TRMT2A: variants seen among roughly 807,000 people sequenced by gnomAD.
TRMT2A encodes the protein tRNA (uracil-5-)-methyltransferase homolog A.
TRMT2A carries 60 observed loss-of-function variants against 59.3 expected under a neutral mutation model. The ratio of observed to expected loss-of-function variants is 1.01; its 90% CI spans 0.82 to 1.26. TRMT2A has a LOEUF of 1.26. TRMT2A is among the 50% of genes most tolerant of loss of function. The probability of loss-of-function intolerance (pLI) is 0.00; values close to 1 mark genes in which losing one functional copy is unlikely to be tolerated. For synonymous variants in TRMT2A, 403 were observed against 353.7 expected (o/e 1.14, Z -1.56); for missense variants, 863 against 845.2 (o/e 1.02, Z -0.26).
intron 3 of TRMT2A, 70 bp downstream of exon 3, chr22:20,115,598 CAGGA>C: frequency 6.3e-7 from 1 of 1,579,912 alleles, no homozygotes; most frequent in Non-Finnish European, 8.7e-7. Flanking sequence ...GGGAGATCAA[CAGGA>C]AGGGTGAGCA....
At chr22:20,113,401 C>CCCCCCCCCCCCCCCCGCCCGGG in intron 9 of TRMT2A, 31 bp downstream of exon 9, 2 of 893,470 alleles carry the variant, frequency 2.2e-6, no homozygotes, top group Non-Finnish European at 3.6e-6. Context: ...CTGCCCCCAT[C>CCCCCCCCCCCCCCCCGCCCGGG]CCCACCCCCA....
chr22:20,116,717 C>A, intron 1 of TRMT2A, 105 bp from the exon 2 acceptor site: 1 of 1,434,156 alleles, frequency 7.0e-7, no homozygotes, highest in Admixed American at 2.2e-5. Flanking sequence ...GCACTCTGCA[C>A]TCAGCCCTGC....
chr22:20,114,760 C>T lies in TRMT2A; in HGVS notation c.1121+1G>A, dbSNP rs1476848112. 2.5e-6 allele frequency: 4 copies of T among 1,612,168 alleles called. No individual in the cohort carries two copies. The highest frequency in any genetic ancestry group is 3.4e-6 in the Non-Finnish European group (4 of 1,179,766). On this transcript the variant is annotated splice_donor_variant, in intron 6 of 11. Coordinates refer to ENST00000252136, the MANE Select transcript of TRMT2A (RefSeq NM_022727.6). LOFTEE classifies it high-confidence loss of function. ...TGCCCCGCCCCACTCGGGCTCCTTA[C>T]CGCTGTCCCTCCTCCACGAAGTAGA...
intron 1 of TRMT2A, 60 bp downstream of exon 1, chr22:20,116,823 A>G: frequency 3.9e-5 from 50 of 1,293,892 alleles, no homozygotes; most frequent in East Asian, 5.2e-5. Flanking sequence ...AGGTTTCCTG[A>G]CCCACCCCGC....
At position 20,114,718 on chromosome 22, in the gene TRMT2A, C is replaced by G. The variant is rs867782058; in HGVS notation, c.1122-33G>C. On this transcript the variant is annotated intron_variant, in intron 6 of 11. Transcript: ENST00000252136. ...CGAAGGTGCAGGTCCTTCAGTGTCA[C>G]AGTCCCTGCAGGGACCTGCCCCGCC... The G allele has an allele frequency of 2.5e-6, 4 of 1,610,986 alleles. No homozygotes were observed. In the Middle Eastern group the frequency reaches 6.6e-4, roughly 266 times the overall value.
At chr22:20,116,788 G>A (rs1320839086) in intron 1 of TRMT2A, 95 bp downstream of exon 1, 3 of 1,422,220 alleles carry the variant, frequency 2.1e-6, no homozygotes, top group Non-Finnish European at 2.9e-6. Context: ...TATCGCACCT[G>A]CCTCGTCCCC....
Position 20,115,319 on chromosome 22 carries a change from C to T in TRMT2A, c.837G>A (p.Val279=), listed in dbSNP as rs116894571. Residue 279 remains valine (V), a synonymous_variant, in exon 4 of 12, where the codon GTG becomes GTA. Transcript: ENST00000252136. ...TCAVAAPFDT[V]HIPEATKQVV... is the part of the protein sequence containing the mutation. ...CCTGCTTGGTGGCTTCGGGGATGTG[C>T]ACGGTGTCAAACGGGGCTGCCACAG... The T allele has an allele frequency of 4.2e-3, 6,697 of 1,612,848 alleles. 23 individuals carry two copies. Among genetic ancestry groups the T allele is most frequent in the Non-Finnish European group, 4.9e-3 (5,762 of 1,179,990 alleles).
chr22:20,115,194 C>A lies in TRMT2A; in HGVS notation c.890+72G>T, dbSNP rs1602516995. Reference sequence around the variant, plus strand: ...TGAAATGGCAGGCACTCCAGAATTCCCGGGGCAGGATCACCACCCTCTGCT... The same window carrying A: ...TGAAATGGCAGGCACTCCAGAATTCACGGGGCAGGATCACCACCCTCTGCT... On this transcript the variant is annotated intron_variant, in intron 4 of 11. Transcript: ENST00000252136. The A allele has an allele frequency of 1.1e-5, 17 of 1,581,730 alleles. No individual in the cohort carries two copies. The East Asian group carries it at 3.8e-4, about 36-fold the overall frequency.
At position 20,117,076 on chromosome 22, in the gene TRMT2A, C is replaced by A; in HGVS notation, c.-170G>T. On this transcript the variant is annotated 5_prime_UTR_variant, in exon 1 of 12. Transcript: ENST00000252136. ...GTCGCCGCCACCCCCGGCTTCGCCC[C>A]AGGCGGGGCGGGACTCGAACCTGCG... is the stretch of plus-strand genomic sequence containing the variant. The A allele has an allele frequency of 1.1e-6, 1 of 882,640 alleles. No individual in the cohort carries two copies. Among genetic ancestry groups the A allele is most frequent in the Non-Finnish European group, 1.7e-6 (1 of 578,040 alleles). The allele number at this position is 882,640 out of a possible 1,614,324, so 54.7% of individuals were successfully genotyped here. A position where few individuals can be genotyped will look rare whatever the true frequency, so the allele number is the denominator to read the frequency against.
In TRMT2A at chr22:20,112,397, C is replaced by G; in HGVS notation, c.*166G>C. 1 of 912,574 alleles carries G rather than the reference C, an allele frequency of 1.1e-6. No homozygotes were observed. Among genetic ancestry groups the G allele is most frequent in the Non-Finnish European group, 1.6e-6 (1 of 613,606 alleles). The allele number at this position is 912,574 out of a possible 1,614,324, so 56.5% of individuals were successfully genotyped here. Reference sequence around the variant, plus strand: ...AGGCTACAGGAACCCACCTGTCTTCCTGGTCAGGGCCCCTGGCCCCTAGCA... The same window carrying G: ...AGGCTACAGGAACCCACCTGTCTTCGTGGTCAGGGCCCCTGGCCCCTAGCA... On this transcript the variant is annotated 3_prime_UTR_variant, in exon 12 of 12. Transcript: ENST00000252136.
rs767267427 is a variant in TRMT2A at position 20,116,372 on chromosome 22, C to A, written c.265G>T (p.Val89Phe). The change falls in exon 2 of 12, where the codon GTC becomes TTC. Residue 89 changes from valine to phenylalanine, a missense_variant. Transcript: ENST00000252136. ...NVPRHASFSD[V>F]RRFLGRFGLQ... ...CCAAAGCGGCCCAGGAAGCGCCGGA[C>A]GTCGCTGAAGCTGGCGTGGCGAGGC... The A allele has an allele frequency of 3.1e-6, 5 of 1,612,376 alleles. No individual in the cohort carries two copies. The East Asian group carries it at 1.1e-4, about 36-fold the overall frequency.
chr22:20,115,541 G>C, intron 3 of TRMT2A, 94 bp from the exon 4 acceptor site: 1 of 1,565,058 alleles, frequency 6.4e-7, no homozygotes, highest in Admixed American at 1.7e-5. Context: ...TCAAACAAGA[G>C]GAACAGCTGA....
chr22:20,115,920 G>T, intron 2 of TRMT2A, 118 bp downstream of exon 2: 1 of 1,399,440 alleles, frequency 7.1e-7, no homozygotes, highest in Non-Finnish European at 9.6e-7. Context: ...TTGCTGGCTA[G>T]CTCCCAAAGG....
rs2147965432 is a variant in TRMT2A, at chr22:20,116,052, C to T, written c.585G>A (p.Leu195=). The T allele has an allele frequency of 6.4e-7, 1 of 1,559,930 alleles. No homozygotes were observed. The highest frequency in any genetic ancestry group is 2.3e-5 in the East Asian group (1 of 44,154). The change falls in exon 2 of 12, where the codon CTG becomes CTA. Residue 195 remains leucine, a synonymous_variant. Coordinates refer to ENST00000252136, the MANE Select transcript of TRMT2A (RefSeq NM_022727.6). ...CCCACACTCACTTGGCAAGTTTCTG[C>T]AGCACCTGCTCGCACTCCAGCTGCT... ...ERKQLECEQV[L]QKLAKEIGST...
rs779436705 is a variant in TRMT2A at position 20,112,607 on chromosome 22, G to A, written c.1834C>T (p.Pro612Ser). ...CCAGTTTCTTGTAGGGTGTTATCTG[G>A]GGGTCCTGGTGTGGGTTGAGCTGGA... ...SPPAQPTPGP[P>S]DNTLQETGTF... The change falls in exon 12 of 12, where the codon CCA becomes TCA. Residue 612 changes from proline to serine, a missense_variant. By Grantham distance (74) the Pro-to-Ser change is moderately conservative (BLOSUM62 -1). Coordinates refer to ENST00000252136, the MANE Select transcript of TRMT2A (RefSeq NM_022727.6). The A allele has an allele frequency of 3.1e-6, 5 of 1,614,110 alleles. No homozygotes were observed. In the East Asian group the frequency reaches 1.1e-4, roughly 36 times the overall value.
At position 20,114,843 on chromosome 22, in the gene TRMT2A, T is replaced by A; in HGVS notation, c.1039A>T (p.Thr347Ser). ...GCTGTGAAGTGCTGCGCTAGGGAGG[T>A]CTTCAGCTCTGCCAGCTCCTCAGGG... ...LSPEELAELK[T>S]SLAQHFTAGP... The change falls in exon 6 of 12, where the codon ACC becomes TCC. Residue 347 changes from threonine to serine, a missense_variant. Transcript: ENST00000252136. The A allele has an allele frequency of 6.2e-7, 1 of 1,603,794 alleles. No individual in the cohort carries two copies. Among genetic ancestry groups the A allele is most frequent in the Non-Finnish European group, 8.5e-7 (1 of 1,176,740 alleles).
At chr22:20,115,239 C>G (rs369184860) in intron 4 of TRMT2A, 27 bp downstream of exon 4, 18 of 1,601,412 alleles carry the variant, frequency 1.1e-5, no homozygotes, top group Non-Finnish European at 1.5e-5. Context: ...CATAGGACTT[C>G]CCGGGAGCCC....
At chr22:20,115,957 C>T (rs767977331) in intron 2 of TRMT2A, 81 bp downstream of exon 2, 13 of 1,487,260 alleles carry the variant, frequency 8.7e-6, no homozygotes, top group African/African-American at 1.4e-5. Flanking sequence ...GCTGGGCCTC[C>T]CAACTGGTGC....
chr22:20,116,987 G>A lies in TRMT2A; in HGVS notation c.-81C>T. The A allele has an allele frequency of 1.3e-6, 2 of 1,494,256 alleles. No individual in the cohort carries two copies. Among genetic ancestry groups the A allele is most frequent in the South Asian group, 1.2e-5 (1 of 82,086 alleles). The allele number at this position is 1,494,256 out of a possible 1,614,324, so 92.6% of individuals were successfully genotyped here. A position where few individuals can be genotyped will look rare whatever the true frequency, so the allele number is the denominator to read the frequency against. ...TCGTCCTGGGCCTGTCACAAGGGAA[G>A]TGGCCTGTCACAAGGGAAGTGCTCA... On this transcript the variant is annotated 5_prime_UTR_variant, in exon 1 of 12. Transcript: ENST00000252136.
Sources: allele counts gnomAD v4.1 joint callset, GRCh38; gene constraint gnomAD v4.1.1; transcripts MANE v1.5; gene names NCBI Gene and HGNC (gene_info 2026-07-23, HGNC 2026-07-21).